Variants in MRTFB observed in about 807,000 individuals in gnomAD.
MRTFB encodes the protein myocardin-related transcription factor B.
In MRTFB, 29 loss-of-function variants were observed where a neutral mutation model predicts 104.2. That is an observed-to-expected ratio of 0.28 (90% CI 0.21 to 0.38). The LOEUF (loss-of-function observed/expected upper bound fraction) is 0.38, where lower values mean the gene tolerates loss of function less well. Ranked by LOEUF, MRTFB falls within the 10% of genes least tolerant of loss-of-function variation. The probability of loss-of-function intolerance (pLI) is 1.00; values close to 1 mark genes in which losing one functional copy is unlikely to be tolerated. For missense variants in MRTFB, 1,270 were observed against 1,341.6 expected (o/e 0.95, Z 0.83); for synonymous variants, 535 against 519.5 (o/e 1.03, Z -0.41).
rs35259229 is a variant in MRTFB at position 14,196,964 on chromosome 16, CTTTTTT to C, written c.155-13261_155-13256del. ...AGTACTTTAGTGCTTTCTCTTTTTT[CTTTTTT>C]TTTTTTTTTTTTTTTTTGAGATGGA... is the stretch of plus-strand genomic sequence containing the variant. On this transcript the variant is annotated intron_variant, in intron 3 of 16. Coordinates refer to ENST00000571589, the MANE Select transcript of MRTFB (RefSeq NM_001308142.2). Among the ~76,000 whole-genome samples, 11 of 103,176 alleles carry C rather than the reference CTTTTTT, an allele frequency of 1.1e-4. 1 individual carries two copies. The South Asian group carries it at 2.8e-3, about 26-fold the overall frequency. 67.7% of individuals were successfully genotyped at this position (103,176 alleles called of 152,430 possible). A position where few individuals can be genotyped will look rare whatever the true frequency, so the allele number is the denominator to read the frequency against.
chr16:14,011,231 G>T, the MRTFB span, among the ~76,000 whole-genome samples: 1 of 152,222 alleles, frequency 6.6e-6, no homozygotes, highest in Admixed American at 6.5e-5. Context: ...GTATTCAGCT[G>T]TTTCTTCCAG....
chr16:14,167,855 T>G (rs982895390), intron 3 of MRTFB, among the ~76,000 whole-genome samples: 1 of 152,112 alleles, frequency 6.6e-6, no homozygotes, highest in Non-Finnish European at 1.5e-5. Flanking sequence ...GCCCGGCTAA[T>G]TTTTTGTATT....
chr16:14,206,295 T>A (rs226782), intron 3 of MRTFB, among the ~76,000 whole-genome samples: 4 of 152,218 alleles, frequency 2.6e-5, no homozygotes, highest in African/African-American at 9.6e-5. Context: ...CTTCTGTGTC[T>A]CATGACAATT....
chr16:14,050,164 G>C, the MRTFB span, among the ~76,000 whole-genome samples: 35 of 149,922 alleles, frequency 2.3e-4, no homozygotes, highest in African/African-American at 7.3e-4. Context: ...CAGACAGACA[G>C]ACACACACAC....
chr16:14,263,835 C>G lies in MRTFB; in HGVS notation c.*2391C>G, dbSNP rs1308873753. 1 of 152,228 alleles carries G rather than the reference C, an allele frequency of 6.6e-6. No homozygotes were observed. Among genetic ancestry groups the G allele is most frequent in the African/African-American group, 2.4e-5 (1 of 41,462 alleles). The allele number at this position is 152,228 out of a possible 1,614,324, so 9.4% of individuals were successfully genotyped here. A position where few individuals can be genotyped will look rare whatever the true frequency, so the allele number is the denominator to read the frequency against. On this transcript the variant is annotated 3_prime_UTR_variant, in exon 17 of 17. Transcript: ENST00000571589. ...CTACCCATTAACTCTGCAAGCCACTCCACTTGCACCATTCCGCTTGACCCT... is the reference window on the plus strand; with the variant it reads ...CTACCCATTAACTCTGCAAGCCACTGCACTTGCACCATTCCGCTTGACCCT...
chr16:14,189,535 A>C (rs1048324516), intron 3 of MRTFB, among the ~76,000 whole-genome samples: 1 of 152,270 alleles, frequency 6.6e-6, no homozygotes, highest in Admixed American at 6.5e-5. Flanking sequence ...ATAAATGACT[A>C]TTAATAATCC....
the MRTFB span, among the ~76,000 whole-genome samples, chr16:14,014,580 G>A: frequency 1.3e-5 from 2 of 151,864 alleles, no homozygotes; most frequent in South Asian, 2.1e-4. Flanking sequence ...AAAGCCAGGC[G>A]CAGTGGCTCA....
Position 14,133,158 on chromosome 16 carries a change from A to G in MRTFB, c.-63-7386A>G, listed in dbSNP as rs911637652. Among the ~76,000 whole-genome samples the G allele has an allele frequency of 2.6e-5, 4 of 152,248 alleles. No individual in the cohort carries two copies. In the South Asian group the frequency reaches 8.3e-4, roughly 31 times the overall value. ...GAAGCAAAAACTCGAAGTCATAGAC[A>G]GTGGTGGCTTATGCCAGAAGACCAG... On this transcript the variant is annotated intron_variant, in intron 2 of 16. Transcript: ENST00000571589.
At chr16:14,104,285 C>T (rs1217884243) in intron 2 of MRTFB, among the ~76,000 whole-genome samples, 2 of 152,192 alleles carry the variant, frequency 1.3e-5, no homozygotes, top group South Asian at 2.1e-4. Flanking sequence ...TGAGCACTTT[C>T]TCTTTCATTA....
the MRTFB span, among the ~76,000 whole-genome samples, chr16:14,053,228 C>CTGTGTGTGTGTA: frequency 6.6e-6 from 1 of 151,820 alleles, no homozygotes; most frequent in Non-Finnish European, 1.5e-5. Flanking sequence ...GCCCAGCCCT[C>CTGTGTGTGTGTA]TGTGTGTGTG....
At chr16:14,129,371 C>T (rs1274923046) in intron 2 of MRTFB, among the ~76,000 whole-genome samples, 2 of 151,972 alleles carry the variant, frequency 1.3e-5, no homozygotes, top group Non-Finnish European at 2.9e-5. Flanking sequence ...AAATTTCATC[C>T]GTGTTGTATG....
the MRTFB span, among the ~76,000 whole-genome samples, chr16:14,032,242 C>T: frequency 6.6e-6 from 1 of 152,174 alleles, no homozygotes; most frequent in Admixed American, 6.5e-5. Context: ...AGGAGAGGAT[C>T]CAGAGGTTGG....
chr16:14,013,842 C>G, the MRTFB span, among the ~76,000 whole-genome samples: 1 of 152,148 alleles, frequency 6.6e-6, no homozygotes, highest in Non-Finnish European at 1.5e-5. Flanking sequence ...CTGAACGTGA[C>G]TTTTCTATTG....
At chr16:14,223,750 C>CA (rs2041858420) in intron 8 of MRTFB, among the ~76,000 whole-genome samples, 1 of 152,128 alleles carries the variant, frequency 6.6e-6, no homozygotes, top group Non-Finnish European at 1.5e-5. Context: ...TCAATGTATT[C>CA]ACTATGAGAG....
the MRTFB span, among the ~76,000 whole-genome samples, chr16:14,034,141 G>A: frequency 6.6e-6 from 1 of 152,186 alleles, no homozygotes; most frequent in Non-Finnish European, 1.5e-5. Context: ...GTTTGTTAAG[G>A]CTGCTGTAAC....
At chr16:14,029,445 T>TATATATACACAC in the MRTFB span, among the ~76,000 whole-genome samples, 15 of 85,958 alleles carry the variant, frequency 1.7e-4, no homozygotes, top group Admixed American at 2.8e-4. Context: ...TATATATATA[T>TATATATACACAC]ACACACACAC....
chr16:14,219,993 A>G lies in MRTFB; in HGVS notation c.693+995A>G, dbSNP rs1245364131. Among the ~76,000 whole-genome samples, 5 of 152,260 alleles carry G rather than the reference A, an allele frequency of 3.3e-5. No homozygotes were observed. In the East Asian group the frequency reaches 7.7e-4, roughly 24 times the overall value. Reference sequence around the variant, plus strand: ...TGCAGACTGACACAATGGTTGTGGAAGCTTGTTTCTCTTCTCCTTCCATGT... The same window carrying G: ...TGCAGACTGACACAATGGTTGTGGAGGCTTGTTTCTCTTCTCCTTCCATGT... On this transcript the variant is annotated intron_variant, in intron 8 of 16. Transcript: ENST00000571589.
the MRTFB span, among the ~76,000 whole-genome samples, chr16:13,998,390 C>T: frequency 6.6e-6 from 1 of 152,134 alleles, no homozygotes; most frequent in Non-Finnish European, 1.5e-5. Context: ...CACAGTGGCT[C>T]ATGCCTATAA....
At chr16:14,093,529 C>G (rs1047841282) in intron 2 of MRTFB, among the ~76,000 whole-genome samples, 2 of 152,024 alleles carry the variant, frequency 1.3e-5, no homozygotes, top group African/African-American at 4.8e-5. Context: ...TCTAAGAACT[C>G]AAATCGAGTT....
Sources: allele counts gnomAD v4.1 joint callset (sites outside exome capture counted in the v4.1 genomes callset), GRCh38; gene constraint gnomAD v4.1.1; transcripts MANE v1.5; gene names NCBI Gene and HGNC (gene_info 2026-07-23, HGNC 2026-07-21).